Variants in ATL2 observed in about 807,000 individuals in gnomAD.
ATL2 encodes the protein atlastin-2.
In ATL2, 31 loss-of-function variants were observed where a neutral mutation model predicts 73.9. The ratio of observed to expected loss-of-function variants is 0.42; its 90% confidence interval spans 0.32 to 0.57. The LOEUF (loss-of-function observed/expected upper bound fraction) is 0.57, where lower values mean the gene tolerates loss of function less well. ATL2 is among the 20% of genes least tolerant of loss of function. The pLI is 0.14. For missense variants in ATL2, 738 were observed against 702.6 expected, an observed-to-expected ratio of 1.05 and a Z score of -0.57; for synonymous variants, 291 against 237.5, an observed-to-expected ratio of 1.23 and a Z score of -2.07.
intron 1 of ATL2, among the ~76,000 whole-genome samples, chr2:38,362,844 C>A (rs1344003856): frequency 1.3e-5 from 2 of 152,168 alleles, no homozygotes; most frequent in Non-Finnish European, 2.9e-5. Context: ...GAAATGGAGG[C>A]AGGAGTTGTC....
At chr2:38,310,033 T>C (rs1328894434) in intron 8 of ATL2, among the ~76,000 whole-genome samples, 1 of 152,118 alleles carries the variant, frequency 6.6e-6, no homozygotes, top group Non-Finnish European at 1.5e-5. Context: ...CAGACTGCAA[T>C]CAATTGAAAA....
intron 1 of ATL2, among the ~76,000 whole-genome samples, chr2:38,376,845 C>T (rs1671999738): frequency 6.6e-6 from 1 of 151,022 alleles, no homozygotes; most frequent in Admixed American, 6.6e-5. Context: ...GGGGCGGACA[C>T]GGCGGCAGCC....
intron 2 of ATL2, among the ~76,000 whole-genome samples, chr2:38,321,817 ATCC>A (rs1449470208): frequency 2.0e-5 from 3 of 151,984 alleles, no homozygotes; most frequent in Non-Finnish European, 4.4e-5. Flanking sequence ...GACTCAAAGG[ATCC>A]TCCTACCTCA....
intron 1 of ATL2, among the ~76,000 whole-genome samples, chr2:38,350,464 A>G (rs965445382): frequency 1.3e-5 from 2 of 152,230 alleles, no homozygotes; most frequent in African/African-American, 4.8e-5. Context: ...AGGGATGAAC[A>G]GGCATAACAC....
chr2:38,359,051 A>C (rs1283340859), intron 1 of ATL2, among the ~76,000 whole-genome samples: 7 of 152,224 alleles, frequency 4.6e-5, no homozygotes, highest in Non-Finnish European at 8.8e-5. Flanking sequence ...CAAATTACAA[A>C]AACAAAAATT....
chr2:38,342,581 T>C (rs2124406187), intron 2 of ATL2, among the ~76,000 whole-genome samples: 1 of 152,182 alleles, frequency 6.6e-6, no homozygotes, highest in East Asian at 1.9e-4. Flanking sequence ...CTGGACTTTA[T>C]CTCCAAAGGT....
At chr2:38,344,070 A>G (rs1669883394) in intron 1 of ATL2, among the ~76,000 whole-genome samples, 1 of 152,166 alleles carries the variant, frequency 6.6e-6, no homozygotes, top group East Asian at 1.9e-4. Flanking sequence ...ATACATACAG[A>G]TAAACAATAA....
intron 2 of ATL2, among the ~76,000 whole-genome samples, chr2:38,341,079 T>G (rs546390617): frequency 6.6e-6 from 1 of 152,290 alleles, no homozygotes; most frequent in East Asian, 1.9e-4. Flanking sequence ...GAGGTGAAAC[T>G]TATCTGTCAT....
At chr2:38,308,723 G>C (rs781193321) in intron 9 of ATL2, among the ~76,000 whole-genome samples, 1 of 151,830 alleles carries the variant, frequency 6.6e-6, no homozygotes, top group Non-Finnish European at 1.5e-5. Context: ...TACCCCATAA[G>C]TATATATACT....
chr2:38,363,782 T>C (rs1573581559), intron 1 of ATL2, among the ~76,000 whole-genome samples: 1 of 152,190 alleles, frequency 6.6e-6, no homozygotes, highest in African/African-American at 2.4e-5. Flanking sequence ...TATAATTCAA[T>C]AATAACAGTC....
intron 1 of ATL2, among the ~76,000 whole-genome samples, chr2:38,362,614 G>T (rs1052167291): frequency 6.6e-6 from 1 of 152,162 alleles, no homozygotes; most frequent in African/African-American, 2.4e-5. Flanking sequence ...AGGGGTGAAA[G>T]GTCTAGAACT....
At chr2:38,306,711 T>TA (rs1667467319) in intron 9 of ATL2, among the ~76,000 whole-genome samples, 1 of 152,120 alleles carries the variant, frequency 6.6e-6, no homozygotes, top group Non-Finnish European at 1.5e-5. Context: ...CCCTTCATGG[T>TA]AAAAATCCTC....
chr2:38,366,639 C>T (rs1043828538), intron 1 of ATL2, among the ~76,000 whole-genome samples: 2 of 152,202 alleles, frequency 1.3e-5, no homozygotes, highest in African/African-American at 4.8e-5. Flanking sequence ...CTCTAGCACA[C>T]GGCAATTTCT....
chr2:38,351,863 G>C (rs1346633136), intron 1 of ATL2, among the ~76,000 whole-genome samples: 1 of 151,656 alleles, frequency 6.6e-6, no homozygotes, highest in African/African-American at 2.4e-5. Flanking sequence ...TGTAATCCCA[G>C]CACTCTGGGA....
intron 2 of ATL2, among the ~76,000 whole-genome samples, chr2:38,335,019 T>C (rs559182498): frequency 1.7e-5 from 2 of 115,310 alleles, no homozygotes; most frequent in African/African-American, 5.7e-5. Context: ...CAAATGAACT[T>C]GTATACAGAC....
intron 1 of ATL2, among the ~76,000 whole-genome samples, chr2:38,364,582 T>C (rs763669721): frequency 6.6e-6 from 1 of 152,268 alleles, no homozygotes; most frequent in Non-Finnish European, 1.5e-5. Context: ...TTTTCTTACA[T>C]GCCTTATAAA....
intron 9 of ATL2, among the ~76,000 whole-genome samples, chr2:38,308,246 T>C (rs752913817): frequency 8.5e-5 from 13 of 152,232 alleles, no homozygotes; most frequent in South Asian, 2.1e-4. Context: ...GTGGTACATA[T>C]ACACGATGAA....
At chr2:38,359,441 G>T (rs1670876551) in intron 1 of ATL2, 1 of 146,972 alleles carries the variant, frequency 6.8e-6, no homozygotes, top group Non-Finnish European at 1.5e-5. Context: ...TCCCGCCATT[G>T]CACTCCAGCC....
At chr2:38,352,043 G>A (rs1158674518) in intron 1 of ATL2, among the ~76,000 whole-genome samples, 1 of 150,074 alleles carries the variant, frequency 6.7e-6, no homozygotes, top group African/African-American at 2.5e-5. Context: ...ACCCAGGGGT[G>A]GAGGCTGCAG....
Sources: allele counts gnomAD v4.1 joint callset (sites outside exome capture counted in the v4.1 genomes callset), GRCh38; gene constraint gnomAD v4.1.1; transcripts MANE v1.5; gene names NCBI Gene and HGNC (gene_info 2026-07-23, HGNC 2026-07-21).